Variants in KIF26B observed in about 807,000 individuals in gnomAD.
KIF26B encodes kinesin family member 26B, also known as kinesin-like protein KIF26B.
KIF26B carries 63 observed loss-of-function variants against 151.2 expected under a neutral mutation model. The ratio of observed to expected loss-of-function variants is 0.42; its 90% CI spans 0.34 to 0.51. The LOEUF is 0.51. KIF26B is among the 20% of genes least tolerant of loss of function. The pLI is 0.07. For synonymous variants in KIF26B, 1,357 were observed against 1,262.1 expected (o/e 1.08, Z -1.59); for missense variants, 2,813 against 2,913.6 (o/e 0.97, Z 0.79).
intron 2 of KIF26B, chr1:245,282,910 AT>A: frequency 6.5e-6 from 2 of 309,386 alleles, no homozygotes; most frequent in South Asian, 3.9e-5. Flanking sequence ...GCTGCTTCCC[AT>A]TTTGTCATTT....
At position 245,687,891 on chromosome 1, in the gene KIF26B, C is replaced by A. The variant is rs769697012; in HGVS notation, c.4908C>A (p.Gly1636=). The A allele has an allele frequency of 1.9e-6, 3 of 1,590,732 alleles. No homozygotes were observed. In the Admixed American group the frequency reaches 5.2e-5, roughly 28 times the overall value. ...PLNQPAAFPA[G]LPDEPSGKTK... ...ACCAACCAGCCGCCTTCCCGGCGGG[C>A]CTCCCAGACGAGCCTAGCGGCAAGA... Residue 1636 remains glycine, a synonymous_variant, in exon 12 of 15, where the codon GGC becomes GGA. Transcript: ENST00000407071. The surrounding 1 kb of genome is among the most constrained non-coding windows in gnomAD (Gnocchi z 4.9).
intron 2 of KIF26B, among the ~76,000 whole-genome samples, chr1:245,164,874 A>G (rs1030973974): frequency 6.6e-6 from 1 of 152,100 alleles, no homozygotes; most frequent in Non-Finnish European, 1.5e-5. Context: ...GGAGTTCGAG[A>G]CCAGCCTGGC....
intron 9 of KIF26B, among the ~76,000 whole-genome samples, chr1:245,641,602 C>G (rs1004503847): frequency 1.3e-5 from 2 of 151,950 alleles, no homozygotes; most frequent in African/African-American, 4.8e-5. Flanking sequence ...TCTTTTTGAT[C>G]AATTCCTCTG....
intron 4 of KIF26B, among the ~76,000 whole-genome samples, chr1:245,497,817 C>T (rs1660542700): frequency 6.6e-6 from 1 of 152,206 alleles, no homozygotes; most frequent in South Asian, 2.1e-4. Context: ...GATCTCAGCT[C>T]ACTGCAACCT....
At chr1:245,693,472 C>A (rs1433576183) in intron 12 of KIF26B, among the ~76,000 whole-genome samples, 1 of 152,202 alleles carries the variant, frequency 6.6e-6, no homozygotes, top group South Asian at 2.1e-4. Context: ...AAAGTTTACT[C>A]ATGTTTATTT....
chr1:245,595,065 C>G (rs1181152467), intron 5 of KIF26B, among the ~76,000 whole-genome samples: 1 of 152,198 alleles, frequency 6.6e-6, no homozygotes, highest in Non-Finnish European at 1.5e-5. Context: ...AGATTTTGGG[C>G]TGAGACGACG....
Position 245,406,198 on chromosome 1 carries a change from G to A in KIF26B, c.1000-13381G>A, listed in dbSNP as rs146091112. Among the ~76,000 whole-genome samples, 1,163 of 152,280 alleles carry A rather than the reference G, an allele frequency of 7.6e-3. 16 individuals are homozygous for A. The highest frequency in any genetic ancestry group is 0.026 in the African/African-American group (1,093 of 41,554). ...ACGTTCCCCACTCTGGGGAAATTGAGGCAAAGAGAGGGGAGATGAGTCGCC... is the reference window on the plus strand; with the variant it reads ...ACGTTCCCCACTCTGGGGAAATTGAAGCAAAGAGAGGGGAGATGAGTCGCC... On this transcript the variant is annotated intron_variant, in intron 3 of 14. Coordinates refer to ENST00000407071, the MANE Select transcript of KIF26B (RefSeq NM_018012.4).
At chr1:245,288,893 A>G (rs1464718373) in intron 2 of KIF26B, among the ~76,000 whole-genome samples, 2 of 151,650 alleles carry the variant, frequency 1.3e-5, no homozygotes, top group Non-Finnish European at 2.9e-5. Flanking sequence ...GGGAGTTTTT[A>G]CTGGGAAGAA....
intron 5 of KIF26B, among the ~76,000 whole-genome samples, chr1:245,558,806 G>T (rs1469202272): frequency 6.6e-6 from 1 of 152,192 alleles, no homozygotes; most frequent in Non-Finnish European, 1.5e-5. Flanking sequence ...TCACTCAGAA[G>T]CCCCTCAGAC....
At chr1:245,468,151 C>A (rs1255113510) in intron 4 of KIF26B, among the ~76,000 whole-genome samples, 1 of 152,158 alleles carries the variant, frequency 6.6e-6, no homozygotes, top group Non-Finnish European at 1.5e-5. Context: ...AACTTTTAAA[C>A]CAACTTCATT....
intron 4 of KIF26B, among the ~76,000 whole-genome samples, chr1:245,515,783 G>A (rs1439560272): frequency 1.3e-5 from 2 of 152,312 alleles, no homozygotes; most frequent in Non-Finnish European, 2.9e-5. Context: ...TTTCATTGCA[G>A]AATGACAGGT....
rs1381860635 is a variant in KIF26B at position 245,609,474 on chromosome 1, G to A, written c.1860G>A (p.Gln620=). ...CGGAGGTGGCCACGGGCAGCCTGCA[G>A]GACGGCCAGTCCCCGGGCGTGTACC... ...LLSEVATGSL[Q]DGQSPGVYLC... Residue 620 remains glutamine, a synonymous_variant, in exon 8 of 15, where the codon CAG becomes CAA. Coordinates refer to ENST00000407071, the MANE Select transcript of KIF26B (RefSeq NM_018012.4). The A allele has an allele frequency of 6.2e-7, 1 of 1,602,266 alleles. No homozygotes were observed. The highest frequency in any genetic ancestry group is 8.5e-7 in the Non-Finnish European group (1 of 1,174,266).
chr1:245,356,246 G>C (rs1350943280), intron 2 of KIF26B, among the ~76,000 whole-genome samples: 1 of 152,076 alleles, frequency 6.6e-6, no homozygotes, highest in African/African-American at 2.4e-5. Context: ...CGTGACAAAA[G>C]CAAAAAGGGA....
chr1:245,419,213 G>A (rs1190535626), intron 3 of KIF26B, among the ~76,000 whole-genome samples: 5 of 152,054 alleles, frequency 3.3e-5, no homozygotes, highest in South Asian at 4.2e-4. Context: ...CAGAGCATTC[G>A]GGGCTATTCC....
intron 2 of KIF26B, among the ~76,000 whole-genome samples, chr1:245,287,501 T>C (rs990657286): frequency 4.8e-5 from 7 of 146,746 alleles, no homozygotes; most frequent in African/African-American, 1.5e-4. Context: ...TCTCTCTCTT[T>C]TTTTTTTTTT....
At chr1:245,473,433 C>T (rs574907528) in intron 4 of KIF26B, among the ~76,000 whole-genome samples, 1 of 152,280 alleles carries the variant, frequency 6.6e-6, no homozygotes, top group African/African-American at 2.4e-5. Flanking sequence ...GTGTTGGTGA[C>T]ATTCCTGGTG....
chr1:245,551,380 G>T (rs1352249208), intron 5 of KIF26B, among the ~76,000 whole-genome samples: 2 of 152,106 alleles, frequency 1.3e-5, no homozygotes, highest in African/African-American at 4.8e-5. Flanking sequence ...TATCATATTT[G>T]CACAAGAAGA....
rs796259098 is a variant in KIF26B at position 245,612,097 on chromosome 1, T to A, written c.2098+121T>A. ...GTGTGTGTGTGTGTGTGTGTGTGTGTGTGTGTGTGAGAGAGAGAGAGAGAG... is the reference window on the plus strand; with the variant it reads ...GTGTGTGTGTGTGTGTGTGTGTGTGAGTGTGTGTGAGAGAGAGAGAGAGAG... On this transcript the variant is annotated intron_variant, in intron 9 of 14. Transcript: ENST00000407071. 8.7e-3 allele frequency: 5,678 copies of A among 651,772 alleles called. 52 individuals are homozygous for A. The highest frequency in any genetic ancestry group is 0.015 in the Admixed American group (412 of 26,878). The allele number at this position is 651,772 out of a possible 1,614,324, so 40.4% of individuals were successfully genotyped here.
At chr1:245,401,916 CA>C (rs895840099) in intron 3 of KIF26B, among the ~76,000 whole-genome samples, 4 of 151,360 alleles carry the variant, frequency 2.6e-5, no homozygotes, top group Non-Finnish European at 4.4e-5. Context: ...AAAACACCAC[CA>C]AAAAAAACCC....
Sources: gnomAD v4.1 joint callset for allele counts (sites outside exome capture counted in the v4.1 genomes callset) on GRCh38, gnomAD v4.1.1 for gene constraint, Gnocchi (gnomAD v3.1) non-coding constraint, MANE v1.5 for transcripts, NCBI Gene and HGNC (gene_info 2026-07-23, HGNC 2026-07-21) for gene names.